SH3D19: variants seen among roughly 807,000 people sequenced by gnomAD.
The protein encoded by SH3D19 is SH3 domain containing 19.
A neutral mutation model predicts 112.1 loss-of-function variants in SH3D19; 58 were observed. The observed-to-expected ratio is 0.52, with a 90% CI of 0.42 to 0.64. SH3D19 has a LOEUF of 0.64. Ranked by LOEUF, SH3D19 falls within the 30% of genes least tolerant of loss-of-function variation. SH3D19 has a pLI of 0.00. For missense variants in SH3D19, 1,090 were observed against 1,263.4 expected, an observed-to-expected ratio of 0.86 and a Z score of 2.08; for synonymous variants, 391 against 448.5, an observed-to-expected ratio of 0.87 and a Z score of 1.62.
chr4:151,289,933 C>A (rs74376462), intron 1 of SH3D19, among the ~76,000 whole-genome samples: 5,620 of 152,096 alleles, frequency 0.037, 314 homozygotes, highest in African/African-American at 0.13. Flanking sequence ...AAAGAAAAAA[C>A]CGGTACACAA....
At chr4:151,245,168 AT>A (rs766690031) in intron 1 of SH3D19, among the ~76,000 whole-genome samples, 2 of 135,060 alleles carry the variant, frequency 1.5e-5, no homozygotes, top group South Asian at 2.3e-4. Context: ...AAATAAAATA[AT>A]AATAATAATA....
rs35001186 is a variant in SH3D19 at position 151,208,681 on chromosome 4, C to CT, written c.152+17365dup. On this transcript the variant is annotated intron_variant, in intron 2 of 19. Coordinates refer to ENST00000604030, the MANE Select transcript of SH3D19 (RefSeq NM_001378122.1). Reference sequence around the variant, plus strand: ...CACTGTGCCCGGCCCCAGGAAATCTCTTTTTTTTTTTTTTGAGATGGAGTC... The same window carrying CT: ...CACTGTGCCCGGCCCCAGGAAATCTCTTTTTTTTTTTTTTTGAGATGGAGTC... Among the ~76,000 whole-genome samples, 40 of 139,854 alleles carry CT rather than the reference C, an allele frequency of 2.9e-4. 1 individual carries two copies. The highest frequency in any genetic ancestry group is 9.2e-4 in the African/African-American group (35 of 38,060). 91.7% of individuals were successfully genotyped at this position (139,854 alleles called of 152,430 possible).
chr4:151,134,943 C>T (rs1038100548), intron 15 of SH3D19, 131 bp downstream of exon 15: 3 of 653,042 alleles, frequency 4.6e-6, no homozygotes, highest in East Asian at 6.2e-5. Flanking sequence ...CCACCTCAGC[C>T]TCCCAAAGTA....
chr4:151,176,954 G>A lies in SH3D19; in HGVS notation c.238C>T (p.Arg80Cys), dbSNP rs1015697738. The A allele has an allele frequency of 6.8e-5, 84 of 1,232,030 alleles. No homozygotes were observed. Among genetic ancestry groups the A allele is most frequent in the Non-Finnish European group, 7.5e-5 (74 of 987,956 alleles). 76.3% of individuals were successfully genotyped at this position (1,232,030 alleles called of 1,614,324 possible). A position where few individuals can be genotyped will look rare whatever the true frequency, so the allele number is the denominator to read the frequency against. Residue 80 changes from arginine (R) to cysteine (C), a missense_variant and splice_region_variant, in exon 5 of 20, where the codon CGC (arginine) becomes TGC (cysteine). Arg to Cys is a radical substitution (Grantham distance 180, BLOSUM62 -3). Coordinates refer to ENST00000604030, the MANE Select transcript of SH3D19 (RefSeq NM_001378122.1). Reference sequence around the variant, plus strand: ...GCTGCCACAATGGTGATCTCTGGGCGCCTAGTGGACAGAAGCCTCAGTGAG... The same window carrying A: ...GCTGCCACAATGGTGATCTCTGGGCACCTAGTGGACAGAAGCCTCAGTGAG... ...IQSELHRDRR[R>C]PEITIVAAEP...
Position 151,149,509 on chromosome 4 carries a change from A to C in SH3D19, c.1808T>G (p.Leu603Trp), listed in dbSNP as rs770087454. The change falls in exon 10 of 20, where the codon TTG becomes TGG. Residue 603 changes from leucine (L) to tryptophan (W), a missense_variant. By Grantham distance (61) the Leu-to-Trp change is moderately conservative (BLOSUM62 -2). Transcript: ENST00000604030. Reference protein sequence around the residue: ...TGGFVRVPPRLPPRPVNGKTI... With the variant: ...TGGFVRVPPRWPPRPVNGKTI... Reference sequence around the variant, plus strand: ...TCCCACATTTACTTACCTCGGTGGCAACCTTGGGGGTACTCGCACAAAACC... The same window carrying C: ...TCCCACATTTACTTACCTCGGTGGCCACCTTGGGGGTACTCGCACAAAACC... 41 of 1,610,042 alleles carry C rather than the reference A, an allele frequency of 2.5e-5. 1 individual carries two copies.
chr4:151,286,752 G>A (rs761391079), intron 1 of SH3D19, among the ~76,000 whole-genome samples: 1 of 151,822 alleles, frequency 6.6e-6, no homozygotes, highest in Non-Finnish European at 1.5e-5. Context: ...GGCCAAGGCG[G>A]ACAGGTCAAT....
chr4:151,301,200 A>T (rs1728379819), intron 1 of SH3D19, among the ~76,000 whole-genome samples: 1 of 152,208 alleles, frequency 6.6e-6, no homozygotes, highest in African/African-American at 2.4e-5. Flanking sequence ...GGCTGTTCTC[A>T]CAACAGAGTT....
chr4:151,236,458 C>T (rs903356932), intron 1 of SH3D19, among the ~76,000 whole-genome samples: 2 of 151,932 alleles, frequency 1.3e-5, no homozygotes, highest in African/African-American at 4.8e-5. Flanking sequence ...GCTTCTGGGT[C>T]GGGTGGGGAC....
At chr4:151,127,800 C>G (rs979307065) in intron 18 of SH3D19, 85 bp from the exon 19 acceptor site, 7 of 717,742 alleles carry the variant, frequency 9.8e-6, no homozygotes, top group Non-Finnish European at 8.5e-6. Flanking sequence ...AAACGCTTAT[C>G]GCTCTAAAAA....
chr4:151,258,106 A>C (rs1772080835), intron 1 of SH3D19, among the ~76,000 whole-genome samples: 1 of 152,174 alleles, frequency 6.6e-6, no homozygotes. Context: ...TTACTTCCTT[A>C]TTCCACCTCT....
Position 151,237,112 on chromosome 4 carries a change from G to GA in SH3D19, c.113-11027dup, listed in dbSNP as rs534434370. Among the ~76,000 whole-genome samples the GA allele has an allele frequency of 5.9e-3, 896 of 152,150 alleles. 7 individuals are homozygous for GA. The highest frequency in any genetic ancestry group is 0.013 in the South Asian group (63 of 4,822). On this transcript the variant is annotated intron_variant, in intron 1 of 19. Coordinates refer to ENST00000604030, the MANE Select transcript of SH3D19 (RefSeq NM_001378122.1). The stretch of plus-strand genomic sequence containing the variant: ...CTTTATGAGCTGTAACATGCACCGC[G>GA]AAAGTCTGCAGCTTCACTCCTGAAG...
intron 2 of SH3D19, among the ~76,000 whole-genome samples, chr4:151,198,347 T>A (rs1580111253): frequency 7.1e-6 from 1 of 140,136 alleles, no homozygotes; most frequent in African/African-American, 2.6e-5. Flanking sequence ...ATATATATTA[T>A]ATAAAATATA....
intron 1 of SH3D19, among the ~76,000 whole-genome samples, chr4:151,254,523 C>CT (rs1162696522): frequency 0.015 from 1,032 of 68,266 alleles, 10 homozygotes; most frequent in African/African-American, 0.034. Flanking sequence ...GGTGATGACT[C>CT]TTAAGGAGCA....
At chr4:151,236,129 G>A (rs908314425) in intron 1 of SH3D19, among the ~76,000 whole-genome samples, 1 of 152,374 alleles carries the variant, frequency 6.6e-6, no homozygotes, top group Non-Finnish European at 1.5e-5. Context: ...CCTCGGCCTC[G>A]GCGTCCGCTC....
chr4:151,283,394 C>G, intron 1 of SH3D19: 2 of 855,546 alleles, frequency 2.3e-6, no homozygotes, highest in Admixed American at 2.6e-5. Flanking sequence ...GATGAGGGTT[C>G]TAAGAATAAC....
In SH3D19 at chr4:151,149,043, A is replaced by T. The variant is rs117072739; in HGVS notation, c.1817+457T>A. Among the ~76,000 whole-genome samples, 751 of 152,260 alleles carry T rather than the reference A, an allele frequency of 4.9e-3. 6 individuals carry two copies. Among genetic ancestry groups the T allele is most frequent in the East Asian group, 0.032 (168 of 5,174 alleles). On this transcript the variant is annotated intron_variant, in intron 10 of 19. Coordinates refer to ENST00000604030, the MANE Select transcript of SH3D19 (RefSeq NM_001378122.1). ...CAGAGGGAGACTCCATCTCAAAAAA[A>T]AAATAAATAAATAAATTTCAACATA...
At chr4:151,320,699 A>C (rs1412828113) in intron 1 of SH3D19, among the ~76,000 whole-genome samples, 1 of 152,170 alleles carries the variant, frequency 6.6e-6, no homozygotes, top group African/African-American at 2.4e-5. Context: ...ATAAAAAATA[A>C]TAGGCAAAAT....
chr4:151,212,408 G>A (rs1268582452), intron 2 of SH3D19, among the ~76,000 whole-genome samples: 1 of 152,160 alleles, frequency 6.6e-6, no homozygotes, highest in African/African-American at 2.4e-5. Flanking sequence ...GCTTCCTGAA[G>A]TGCTGGGATT....
chr4:151,306,682 A>G (rs1431501845), intron 1 of SH3D19, among the ~76,000 whole-genome samples: 3 of 152,218 alleles, frequency 2.0e-5, no homozygotes, highest in Non-Finnish European at 4.4e-5. Flanking sequence ...TCAAGGAGCT[A>G]TTGAAAGGTT....
Sources: allele counts gnomAD v4.1 joint callset (sites outside exome capture counted in the v4.1 genomes callset), GRCh38; gene constraint gnomAD v4.1.1; transcripts MANE v1.5; gene names NCBI Gene and HGNC (gene_info 2026-07-23, HGNC 2026-07-21).